The following PCDH15 variants were observed in gnomAD, a reference collection of about 807,000 sequenced individuals.
PCDH15 encodes the protein protocadherin-15.
A neutral mutation model predicts 178.5 loss-of-function variants in PCDH15; 129 were observed. The ratio of observed to expected loss-of-function variants is 0.72; its 90% CI spans 0.63 to 0.84. PCDH15 has a LOEUF of 0.84. Among genes scored for constraint, PCDH15 ranks in the 40% least tolerant of loss-of-function variants. PCDH15 has a pLI of 0.00. For synonymous variants in PCDH15, 800 were observed against 732.0 expected (o/e 1.09, Z -1.50); for missense variants, 2,230 against 2,099.9 (o/e 1.06, Z -1.21).
At chr10:54,992,518 C>T (rs1000988118) in intron 2 of PCDH15, among the ~76,000 whole-genome samples, 1 of 151,824 alleles carries the variant, frequency 6.6e-6, no homozygotes, top group Non-Finnish European at 1.5e-5. Flanking sequence ...TTTGGGAGGC[C>T]GAGGCGGGCA....
At chr10:55,597,260 A>G (rs1339406296) in intron 2 of PCDH15, 1 of 152,136 alleles carries the variant, frequency 6.6e-6, no homozygotes, top group Admixed American at 6.5e-5. Flanking sequence ...AAGTACGTTC[A>G]CGCACATACG....
Position 54,760,359 on chromosome 10 carries a change from A to G in PCDH15, c.-29+40566T>C, listed in dbSNP as rs1001823992. Among the ~76,000 whole-genome samples, 4 of 144,380 alleles carry G rather than the reference A, an allele frequency of 2.8e-5. 1 individual carries two copies. Among genetic ancestry groups the G allele is most frequent in the Non-Finnish European group, 1.5e-5 (1 of 64,788 alleles). The allele number at this position is 144,380 out of a possible 152,430, so 94.7% of individuals were successfully genotyped here. ...TAAAACAGATGGGATGAACATCTGG[A>G]TAACACAACATATATATTTTTTTTA... On this transcript the variant is annotated intron_variant, in intron 1 of 37. Coordinates refer to ENST00000644397, the MANE Select transcript of PCDH15 (RefSeq NM_001384140.1).
chr10:54,970,374 G>A (rs933856363), intron 2 of PCDH15, among the ~76,000 whole-genome samples: 16 of 152,162 alleles, frequency 1.1e-4, no homozygotes, highest in Admixed American at 3.3e-4. Flanking sequence ...CTGGGTGATA[G>A]CTACAGGTTG....
chr10:54,010,047 A>G (rs957267731), intron 20 of PCDH15, among the ~76,000 whole-genome samples: 1 of 152,160 alleles, frequency 6.6e-6, no homozygotes, highest in African/African-American at 2.4e-5. Context: ...TTGCAGGATA[A>G]GGCCTACTGT....
chr10:54,422,454 C>A (rs757200050), intron 3 of PCDH15, among the ~76,000 whole-genome samples: 19 of 152,082 alleles, frequency 1.2e-4, no homozygotes, highest in Non-Finnish European at 1.9e-4. Context: ...ATGTGACAGT[C>A]ACTTCACACA....
At chr10:54,909,749 C>A (rs553462973) in intron 2 of PCDH15, among the ~76,000 whole-genome samples, 75 of 152,238 alleles carry the variant, frequency 4.9e-4, no homozygotes, top group African/African-American at 1.6e-3. Flanking sequence ...GCTGCAGTTG[C>A]TCCTGGGGAG....
rs1326390059 is a variant in PCDH15, at chr10:54,025,541, C to T, written c.2221-2344G>A. Among the ~76,000 whole-genome samples, 4 of 151,278 alleles carry T rather than the reference C, an allele frequency of 2.6e-5. No individual in the cohort carries two copies. In the East Asian group the frequency reaches 7.7e-4, roughly 29 times the overall value. ...TGAGACCAAGCCTTGCTCTGTTGCC[C>T]AGGCTGGAGTGCAGTGGTGCGATCT... On this transcript the variant is annotated intron_variant, in intron 18 of 37. Transcript: ENST00000644397.
At chr10:54,505,728 T>C (rs2081112379) in intron 3 of PCDH15, among the ~76,000 whole-genome samples, 1 of 151,958 alleles carries the variant, frequency 6.6e-6, no homozygotes, top group South Asian at 2.1e-4. Flanking sequence ...CAAACCACCA[T>C]AGCACGTGTA....
chr10:54,170,815 G>T (rs565302905), intron 13 of PCDH15, among the ~76,000 whole-genome samples: 1 of 151,872 alleles, frequency 6.6e-6, no homozygotes, highest in Non-Finnish European at 1.5e-5. Context: ...CCACTAGCCC[G>T]CCTCTTAGAA....
Position 54,037,494 on chromosome 10 carries a change from A to AT in PCDH15, c.2221-14298dup, listed in dbSNP as rs372286940. 3.5e-3 allele frequency among the ~76,000 whole-genome samples: 528 copies of AT among 151,930 alleles called. 1 individual carries two copies. Among genetic ancestry groups the AT allele is most frequent in the African/African-American group, 0.012 (495 of 41,494 alleles). On this transcript the variant is annotated intron_variant, in intron 18 of 37. Coordinates refer to ENST00000644397, the MANE Select transcript of PCDH15 (RefSeq NM_001384140.1). ...GCTGAAGGTTCAGATGATTGACAGT[A>AT]TTTTTTTAAGCCATAAAACACTTTA...
chr10:54,679,189 C>CAAAAAAAAAAAAAAAAAAAAAAAAAAA, intron 1 of PCDH15, among the ~76,000 whole-genome samples: 1 of 71,342 alleles, frequency 1.4e-5, no homozygotes, highest in African/African-American at 5.0e-5. Context: ...GACTCCGTCT[C>CAAAAAAAAAAAAAAAAAAAAAAAAAAA]AAAAAAAAAA....
At chr10:55,183,998 T>TAAA (rs1307091130) in intron 1 of PCDH15, among the ~76,000 whole-genome samples, 1 of 151,986 alleles carries the variant, frequency 6.6e-6, no homozygotes, top group African/African-American at 2.4e-5. Context: ...CACGGTCAAG[T>TAAA]AAGCTATCAG....
intron 1 of PCDH15, among the ~76,000 whole-genome samples, chr10:54,682,678 G>A (rs1344541445): frequency 3.3e-5 from 5 of 151,976 alleles, no homozygotes; most frequent in African/African-American, 4.8e-5. Flanking sequence ...CTTTATTTAT[G>A]CAGGCAAGAT....
At position 54,077,101 on chromosome 10, in the gene PCDH15, G is replaced by T. The variant is rs912548408; in HGVS notation, c.2091+2230C>A. On this transcript the variant is annotated intron_variant, in intron 17 of 37. Transcript: ENST00000644397. ...AGTATATCCGTAAAATTATATAAAT[G>T]ATGGAATTAACTGAATAAACTTTTG... 2.0e-5 allele frequency among the ~76,000 whole-genome samples: 3 copies of T among 152,162 alleles called. No homozygotes were observed. In the South Asian group the frequency reaches 6.2e-4, roughly 32 times the overall value.
intron 2 of PCDH15, among the ~76,000 whole-genome samples, chr10:54,943,266 T>C (rs1838107653): frequency 6.6e-6 from 1 of 151,966 alleles, no homozygotes; most frequent in Non-Finnish European, 1.5e-5. Flanking sequence ...TTGGTGTTCA[T>C]CCTCAAAGCC....
intron 2 of PCDH15, among the ~76,000 whole-genome samples, chr10:55,061,144 CAG>C (rs1160437788): frequency 6.6e-6 from 1 of 151,948 alleles, no homozygotes; most frequent in Non-Finnish European, 1.5e-5. Flanking sequence ...ATATAAGTCA[CAG>C]ATAATATTTG....
chr10:54,725,462 A>G (rs906760153), intron 1 of PCDH15, among the ~76,000 whole-genome samples: 2 of 147,504 alleles, frequency 1.4e-5, no homozygotes, highest in African/African-American at 4.9e-5. Flanking sequence ...GGATCACTTG[A>G]ACTCAGAAGT....
intron 3 of PCDH15, among the ~76,000 whole-genome samples, chr10:54,477,783 A>G (rs1330434449): frequency 6.6e-6 from 1 of 152,054 alleles, no homozygotes; most frequent in African/African-American, 2.4e-5. Flanking sequence ...AATATATTTT[A>G]GTAGAGACAG....
rs567011370 is a variant in PCDH15 at position 55,200,186 on chromosome 10, T to C, written c.-155-33535A>G. On this transcript the variant is annotated intron_variant, in intron 1 of 5. Coordinates refer to the PCDH15 transcript ENST00000458638. The stretch of plus-strand genomic sequence containing the variant: ...CAACACTAGCTCATGAAAACATTCA[T>C]GGGGAATGTACCCTGCAAAGCAACA... Among the ~76,000 whole-genome samples, 11 of 152,236 alleles carry C rather than the reference T, an allele frequency of 7.2e-5. 1 individual carries two copies. The South Asian group carries it at 2.3e-3, about 32-fold the overall frequency.
Sources: allele counts gnomAD v4.1 joint callset (sites outside exome capture counted in the v4.1 genomes callset), GRCh38; gene constraint gnomAD v4.1.1; transcripts MANE v1.5; gene names NCBI Gene and HGNC (gene_info 2026-07-23, HGNC 2026-07-21).